The following DGKD variants were observed in gnomAD, a reference collection of about 807,000 sequenced individuals.
DGKD encodes diacylglycerol kinase delta, also known as DAG kinase delta.
DGKD carries 68 observed loss-of-function variants against 154.4 expected under a neutral mutation model. That is an observed-to-expected ratio of 0.44 (90% confidence interval 0.36 to 0.54). DGKD has a LOEUF of 0.54. DGKD is among the 20% of genes least tolerant of loss of function. The probability of loss-of-function intolerance (pLI) is 0.00; values close to 1 mark genes in which losing one functional copy is unlikely to be tolerated. For synonymous variants in DGKD, 693 were observed against 638.0 expected, an observed-to-expected ratio of 1.09 and a Z score of -1.30; for missense variants, 1,343 against 1,593.6, an observed-to-expected ratio of 0.84 and a Z score of 2.68.
chr2:233,427,877 A>C (rs2062365201), intron 3 of DGKD, among the ~76,000 whole-genome samples: 2 of 152,174 alleles, frequency 1.3e-5, no homozygotes, highest in Admixed American at 6.5e-5. Context: ...TATTCCTTAG[A>C]GCATCTCCCT....
At chr2:233,408,424 T>C (rs2061740396) in intron 3 of DGKD, among the ~76,000 whole-genome samples, 1 of 152,214 alleles carries the variant, frequency 6.6e-6, no homozygotes, top group Non-Finnish European at 1.5e-5. Flanking sequence ...ACAGGGAGAA[T>C]TGTATTTGTG....
At chr2:233,356,274 A>T (rs1701532179) in intron 1 of DGKD, among the ~76,000 whole-genome samples, 1 of 152,160 alleles carries the variant, frequency 6.6e-6, no homozygotes, top group Non-Finnish European at 1.5e-5. Flanking sequence ...CGTTGATTAG[A>T]CTTATTAGTT....
chr2:233,408,133 C>T (rs1449504609), intron 3 of DGKD, among the ~76,000 whole-genome samples: 3 of 151,598 alleles, frequency 2.0e-5, no homozygotes, highest in Non-Finnish European at 4.4e-5. Context: ...ACCTCCGCCT[C>T]CCGGGTTCAC....
intron 12 of DGKD, among the ~76,000 whole-genome samples, 164 bp downstream of exon 12, chr2:233,446,960 T>C (rs1203738242): frequency 6.6e-6 from 1 of 152,216 alleles, no homozygotes; most frequent in African/African-American, 2.4e-5. Flanking sequence ...CTGAGAGGAT[T>C]CTCACTCCCC....
At position 233,464,217 on chromosome 2, in the gene DGKD, C is replaced by T. The variant is rs1394545864; in HGVS notation, c.3240C>T (p.Asp1080=). 2.5e-6 allele frequency: 4 copies of T among 1,613,700 alleles called. No individual in the cohort carries two copies. Among genetic ancestry groups the T allele is most frequent in the South Asian group, 1.1e-5 (1 of 91,086 alleles). ...EQLGSALAEM[D]RQLRRLADTP... ...TGGGGAGTGCTCTTGCCGAGATGGACCGACAGCTCAGGAGGCTGGCAGACA... is the reference window on the plus strand; with the variant it reads ...TGGGGAGTGCTCTTGCCGAGATGGATCGACAGCTCAGGAGGCTGGCAGACA... Residue 1080 remains aspartate, a synonymous_variant, in exon 27 of 30, where the codon GAC becomes GAT. Coordinates refer to ENST00000264057, the MANE Select transcript of DGKD (RefSeq NM_152879.3).
chr2:233,459,504 G>T lies in DGKD; in HGVS notation c.2695-253G>T, dbSNP rs1210215922. On this transcript the variant is annotated intron_variant, in intron 22 of 29. Coordinates refer to ENST00000264057, the MANE Select transcript of DGKD (RefSeq NM_152879.3). The surrounding 1 kb of genome is among the most constrained non-coding windows in gnomAD (Gnocchi z 5.7). The stretch of plus-strand genomic sequence containing the variant: ...TGACACCTGTTGTCTCAGCACCAAG[G>T]TCTCCTGCACTGACTGCTCAGTGAG... Among the ~76,000 whole-genome samples, 2 of 148,818 alleles carry T rather than the reference G, an allele frequency of 1.3e-5. No individual in the cohort carries two copies. Among genetic ancestry groups the T allele is most frequent in the African/African-American group, 4.9e-5 (2 of 40,762 alleles).
chr2:233,443,205 G>T (rs1476115805), intron 10 of DGKD, among the ~76,000 whole-genome samples: 2 of 152,150 alleles, frequency 1.3e-5, no homozygotes, highest in Non-Finnish European at 2.9e-5. Flanking sequence ...TTTAGTTTTT[G>T]TCCAGCTAAG....
intron 26 of DGKD, 109 bp from the exon 27 acceptor site, chr2:233,464,055 C>G (rs1381849628): frequency 6.8e-7 from 1 of 1,462,140 alleles, no homozygotes; most frequent in East Asian, 2.4e-5. Context: ...AAGTGAGCTC[C>G]CTGATCAGAG....
chr2:233,447,514 T>C, intron 12 of DGKD: 1 of 985,324 alleles, frequency 1.0e-6, no homozygotes, highest in Non-Finnish European at 1.2e-6. Flanking sequence ...TTTTTCCTTT[T>C]TTTAAAAAAA....
intron 24 of DGKD, among the ~76,000 whole-genome samples, chr2:233,461,530 C>CT (rs201695316): frequency 0.01 from 1,559 of 152,294 alleles, 18 homozygotes; most frequent in East Asian, 0.029. Context: ...ACTGCGGCCC[C>CT]TGTCCTCGTC....
rs2063155124 is a variant in DGKD, at chr2:233,448,392, T to C, written c.1614+17T>C. ...GCCAAGAAGGTCTGTTCCCGTGCCC[T>C]GGGTGGGAGGGGCATTGAGGCAGCG... is the stretch of plus-strand genomic sequence containing the variant. On this transcript the variant is annotated intron_variant, in intron 14 of 29. Transcript: ENST00000264057. 14 of 1,609,120 alleles carry C rather than the reference T, an allele frequency of 8.7e-6. No homozygotes were observed. The highest frequency in any genetic ancestry group is 1.2e-5 in the Non-Finnish European group (14 of 1,176,426).
rs1048031779 is a variant in DGKD at position 233,445,108 on chromosome 2, T to G, written c.1195-515T>G. On this transcript the variant is annotated intron_variant, in intron 10 of 29. Coordinates refer to ENST00000264057, the MANE Select transcript of DGKD (RefSeq NM_152879.3). This position sits in a 1 kb window ranked among gnomAD's most constrained non-coding sequence, Gnocchi z 5.5. ...GCTCTGGCAAGGCTCCAGGGTAGCC[T>G]CCAGACTGAGGATGGTCCTGGCACC... Among the ~76,000 whole-genome samples the G allele has an allele frequency of 2.0e-5, 3 of 152,150 alleles. No individual in the cohort carries two copies. The highest frequency in any genetic ancestry group is 2.9e-5 in the Non-Finnish European group (2 of 68,020).
intron 27 of DGKD, among the ~76,000 whole-genome samples, chr2:233,465,705 G>A (rs2063803012): frequency 6.6e-6 from 1 of 152,088 alleles, no homozygotes; most frequent in South Asian, 2.1e-4. Flanking sequence ...GTAAAAGAAA[G>A]TAAAGGACCA....
At position 233,451,031 on chromosome 2, in the gene DGKD, C is replaced by T. The variant is rs140881190; in HGVS notation, c.2148C>T (p.Asn716=). 2.5e-6 allele frequency: 4 copies of T among 1,611,264 alleles called. No individual in the cohort carries two copies. Among genetic ancestry groups the T allele is most frequent in the Non-Finnish European group, 3.4e-6 (4 of 1,177,596 alleles). ...GCCGGGACGGCCTGCCTGCGCTCAA[C>T]ACCAAGATCCTGTACCCAAGTGAGT... ...PGSRDGLPAL[N]TKILYPNVRA... The change falls in exon 17 of 30, where the codon AAC becomes AAT. Residue 716 remains asparagine, a synonymous_variant. Coordinates refer to ENST00000264057, the MANE Select transcript of DGKD (RefSeq NM_152879.3).
rs183130098 is a variant in DGKD, at chr2:233,458,736, C to T, written c.2694+339C>T. ...AAGTGATTCTCCCGCCTCAGCCTTC[C>T]GAGTAGCTGGGACTACAAGTGCCCA... On this transcript the variant is annotated intron_variant, in intron 22 of 29. Transcript: ENST00000264057. This position sits in a 1 kb window ranked among gnomAD's most constrained non-coding sequence, Gnocchi z 6.6. Among the ~76,000 whole-genome samples the T allele has an allele frequency of 2.0e-5, 3 of 152,084 alleles. No homozygotes were observed. The highest frequency in any genetic ancestry group is 6.5e-5 in the Admixed American group (1 of 15,274).
intron 3 of DGKD, among the ~76,000 whole-genome samples, chr2:233,404,808 C>T (rs956443811): frequency 3.9e-5 from 6 of 152,244 alleles, no homozygotes; most frequent in Middle Eastern, 3.4e-3. Flanking sequence ...GGGTGAACGT[C>T]TGCTGTTCCA....
intron 12 of DGKD, chr2:233,447,428 C>CA: frequency 1.0e-6 from 1 of 973,670 alleles, no homozygotes; most frequent in Non-Finnish European, 1.2e-6. Flanking sequence ...GGGCAACGGT[C>CA]AGCAAACAAG....
intron 4 of DGKD, 75 bp from the exon 5 acceptor site, chr2:233,434,694 A>G: frequency 6.4e-7 from 1 of 1,571,282 alleles, no homozygotes; most frequent in Non-Finnish European, 8.6e-7. Context: ...ACTTTGTTTA[A>G]TCTTGTCCAA....
At chr2:233,432,264 G>T (rs749727992) in intron 3 of DGKD, among the ~76,000 whole-genome samples, 5 of 102,578 alleles carry the variant, frequency 4.9e-5, no homozygotes, top group Admixed American at 2.2e-4. Context: ...GGTTGCTCAC[G>T]CCTGTAATCC....
Sources: gnomAD v4.1 joint callset for allele counts (sites outside exome capture counted in the v4.1 genomes callset) on GRCh38, gnomAD v4.1.1 for gene constraint, Gnocchi (gnomAD v3.1) non-coding constraint, MANE v1.5 for transcripts, NCBI Gene and HGNC (gene_info 2026-07-23, HGNC 2026-07-21) for gene names.